The following CDK13 variants were observed in gnomAD, a reference collection of about 807,000 sequenced individuals.
CDK13 encodes the protein cyclin-dependent kinase 13.
CDK13 carries 40 observed loss-of-function variants against 137.6 expected under a neutral mutation model. The ratio of observed to expected loss-of-function variants is 0.29; its 90% CI spans 0.23 to 0.38. The LOEUF is 0.38. Among genes scored for constraint, CDK13 ranks in the 10% least tolerant of loss-of-function variants. The probability of loss-of-function intolerance (pLI) is 1.00; values close to 1 mark genes in which losing one functional copy is unlikely to be tolerated. For missense variants in CDK13, 1,704 were observed against 1,951.8 expected, an observed-to-expected ratio of 0.87 and a Z score of 2.39; for synonymous variants, 869 against 760.1, an observed-to-expected ratio of 1.14 and a Z score of -2.36.
rs567396876 is a variant in CDK13 at position 40,095,912 on chromosome 7, G to C, written c.*932G>C. The C allele has an allele frequency of 1.3e-5, 2 of 152,190 alleles. No individual in the cohort carries two copies. The highest frequency in any genetic ancestry group is 1.3e-4 in the Admixed American group (2 of 15,284). The allele number at this position is 152,190 out of a possible 1,614,324, so 9.4% of individuals were successfully genotyped here. On this transcript the variant is annotated 3_prime_UTR_variant, in exon 14 of 14. Transcript: ENST00000181839. ...GATAGGGGAGTGAGAGCAAAGAAAG[G>C]GAGTAGAACTGCAATCAGTACATAT...
At chr7:40,092,646 G>A (rs1189918021) in intron 12 of CDK13, 139 bp from the exon 13 acceptor site, 4 of 629,742 alleles carry the variant, frequency 6.4e-6, no homozygotes, top group Non-Finnish European at 1.1e-5. Flanking sequence ...AACTAGACTT[G>A]AGGTTCTCTT....
rs544036233 is a variant in CDK13, at chr7:39,962,456, A to T, written c.1211+10604A>T. On this transcript the variant is annotated intron_variant, in intron 1 of 13. Coordinates refer to ENST00000181839, the MANE Select transcript of CDK13 (RefSeq NM_003718.5). ...CTTCTTTCGAGAAGTGTCTGTTCAT[A>T]TCCTTCGCCCACTTTTTGATGGGGT... 7.9e-5 allele frequency among the ~76,000 whole-genome samples: 12 copies of T among 152,298 alleles called. 1 individual carries two copies. In the South Asian group the frequency reaches 2.5e-3, roughly 32 times the overall value.
At chr7:40,013,883 T>C (rs1056867023) in intron 5 of CDK13, among the ~76,000 whole-genome samples, 6 of 152,072 alleles carry the variant, frequency 3.9e-5, no homozygotes, top group Non-Finnish European at 7.4e-5. Flanking sequence ...GGTGTCTCTG[T>C]TATAAAAGAT....
At chr7:40,063,486 C>G (rs763722379) in intron 9 of CDK13, among the ~76,000 whole-genome samples, 40 of 151,870 alleles carry the variant, frequency 2.6e-4, no homozygotes, top group Non-Finnish European at 3.7e-4. Flanking sequence ...TTTAAAAATA[C>G]TCTTGTAAAT....
intron 7 of CDK13, among the ~76,000 whole-genome samples, chr7:40,051,740 C>T: frequency 6.6e-6 from 1 of 152,266 alleles, no homozygotes; most frequent in East Asian, 1.9e-4. Context: ...GGAGTTACAG[C>T]TAGTACTTGG....
intron 1 of CDK13, among the ~76,000 whole-genome samples, chr7:39,979,237 C>CA (rs1344407578): frequency 1.7e-5 from 2 of 118,718 alleles, no homozygotes; most frequent in Admixed American, 9.4e-5. Context: ...TTTTTTGAGA[C>CA]AGAGTTTTCG....
At chr7:40,013,778 A>G (rs1211070959) in intron 5 of CDK13, among the ~76,000 whole-genome samples, 1 of 152,148 alleles carries the variant, frequency 6.6e-6, no homozygotes, top group African/African-American at 2.4e-5. Context: ...TATCTCAATA[A>G]AGCTGTTATT....
At chr7:40,003,202 ACACACT>A (rs1160025406) in intron 5 of CDK13, among the ~76,000 whole-genome samples, 82 of 81,034 alleles carry the variant, frequency 1.0e-3, no homozygotes, top group African/African-American at 2.4e-3. Context: ...ACACACACAC[ACACACT>A]CTCTCTCTCT....
Position 39,951,507 on chromosome 7 carries a change from C to T in CDK13, c.866C>T (p.Pro289Leu). Residue 289 changes from proline (P) to leucine (L), a missense_variant, in exon 1 of 14, where the codon CCG becomes CTG. By Grantham distance (98) the Pro-to-Leu change is moderately conservative. Coordinates refer to ENST00000181839, the MANE Select transcript of CDK13 (RefSeq NM_003718.5). The part of the protein sequence containing the change: ...HRSRTKSSKE[P>L]PSAYKEPPKA... Reference sequence around the variant, plus strand: ...AGCCGGACTAAGTCGTCCAAGGAGCCGCCTTCGGCCTACAAGGAACCGCCC... The same window carrying T: ...AGCCGGACTAAGTCGTCCAAGGAGCTGCCTTCGGCCTACAAGGAACCGCCC... The T allele has an allele frequency of 1.3e-6, 2 of 1,534,056 alleles. No individual in the cohort carries two copies. Among genetic ancestry groups the T allele is most frequent in the Non-Finnish European group, 1.8e-6 (2 of 1,142,196 alleles).
chr7:40,099,000 G>T lies in CDK13; in HGVS notation c.*4020G>T, dbSNP rs1787094889. The T allele has an allele frequency of 6.6e-6, 1 of 151,594 alleles. No homozygotes were observed. The highest frequency in any genetic ancestry group is 1.9e-4 in the East Asian group (1 of 5,186). The allele number at this position is 151,594 out of a possible 1,614,324, so 9.4% of individuals were successfully genotyped here. A position where few individuals can be genotyped will look rare whatever the true frequency, so the allele number is the denominator to read the frequency against. On this transcript the variant is annotated 3_prime_UTR_variant, in exon 14 of 14. Transcript: ENST00000181839. Reference sequence around the variant, plus strand: ...AAGAAGATTGGTTATCAGTAGGCTTGCAAACATAATTTGCTTTTAAGTTCT... The same window carrying T: ...AAGAAGATTGGTTATCAGTAGGCTTTCAAACATAATTTGCTTTTAAGTTCT...
intron 3 of CDK13, chr7:39,998,770 A>G (rs1312535490): frequency 2.0e-5 from 3 of 152,084 alleles, no homozygotes; most frequent in African/African-American, 7.2e-5. Flanking sequence ...TTTTTGTCCT[A>G]CCTGTCCATT....
chr7:40,038,772 C>T (rs780954862), intron 5 of CDK13, among the ~76,000 whole-genome samples: 1 of 151,732 alleles, frequency 6.6e-6, no homozygotes, highest in Non-Finnish European at 1.5e-5. Context: ...CTTGGCTTAC[C>T]GCAGCCTCTG....
In CDK13 at chr7:39,999,386, A is replaced by G. The variant is rs144427590; in HGVS notation, c.2068A>G (p.Thr690Ala). The G allele has an allele frequency of 2.9e-5, 47 of 1,612,268 alleles. No homozygotes were observed. The highest frequency in any genetic ancestry group is 1.6e-4 in the Middle Eastern group (1 of 6,076). ...AATATGTGGGCCTCGCTATGGTGAA[A>G]CCAAAGAAAAAGATATTGACTGGGG... is the stretch of plus-strand genomic sequence containing the variant. ...PKICGPRYGETKEKDIDWGKR... is the reference protein window; with the variant it reads ...PKICGPRYGEAKEKDIDWGKR... Residue 690 changes from threonine to alanine, a missense_variant, in exon 4 of 14, where the codon ACC becomes GCC. By Grantham distance (58) the Thr-to-Ala change is moderately conservative. Coordinates refer to ENST00000181839, the MANE Select transcript of CDK13 (RefSeq NM_003718.5).
intron 1 of CDK13, among the ~76,000 whole-genome samples, chr7:39,964,625 C>T (rs1271465141): frequency 7.0e-6 from 1 of 143,462 alleles, no homozygotes; most frequent in African/African-American, 2.6e-5. Context: ...GTCTCTATTT[C>T]CTTCAGTTCT....
At chr7:40,090,444 C>T (rs1218089724) in intron 12 of CDK13, among the ~76,000 whole-genome samples, 1 of 152,204 alleles carries the variant, frequency 6.6e-6, no homozygotes, top group Non-Finnish European at 1.5e-5. Context: ...ATCTCCGCCT[C>T]CCAGGTTCAA....
chr7:39,992,106 C>CAT, intron 2 of CDK13, among the ~76,000 whole-genome samples: 1 of 103,888 alleles, frequency 9.6e-6, no homozygotes, highest in East Asian at 3.2e-4. Context: ...CACACACACG[C>CAT]ACACACACAC....
At chr7:40,034,084 A>G (rs1185204814) in intron 5 of CDK13, among the ~76,000 whole-genome samples, 1 of 152,198 alleles carries the variant, frequency 6.6e-6, no homozygotes, top group Non-Finnish European at 1.5e-5. Context: ...GATCTTCGCT[A>G]TGATAATCTG....
intron 9 of CDK13, among the ~76,000 whole-genome samples, chr7:40,074,830 A>G (rs1330723820): frequency 6.6e-6 from 1 of 152,048 alleles, no homozygotes; most frequent in Non-Finnish European, 1.5e-5. Context: ...TATTTAAAAA[A>G]AAAAACAAAA....
intron 2 of CDK13, among the ~76,000 whole-genome samples, chr7:39,993,481 A>G (rs1018675222): frequency 6.6e-6 from 1 of 152,052 alleles, no homozygotes. Context: ...TTCACTTTGA[A>G]TTTTGCTTCA....
Sources: gnomAD v4.1 joint callset for allele counts (sites outside exome capture counted in the v4.1 genomes callset) on GRCh38, gnomAD v4.1.1 for gene constraint, MANE v1.5 for transcripts, NCBI Gene and HGNC (gene_info 2026-07-23, HGNC 2026-07-21) for gene names.